Variants in NDUFS4 observed in about 807,000 individuals in gnomAD.
NDUFS4 encodes the protein NADH:ubiquinone oxidoreductase subunit S4, also known as NADH dehydrogenase [ubiquinone] iron-sulfur protein 4, mitochondrial.
A neutral mutation model predicts 24.3 loss-of-function variants in NDUFS4; 28 were observed. The observed-to-expected ratio is 1.15, with a 90% CI of 0.85 to 1.58. NDUFS4 has a LOEUF of 1.58. NDUFS4 is among the 40% of genes most tolerant of loss of function. The pLI, the probability that NDUFS4 is intolerant of heterozygous loss-of-function variation, is 0.00. For missense variants in NDUFS4, 223 were observed against 207.9 expected (o/e 1.07, Z -0.45); for synonymous variants, 93 against 69.7 (o/e 1.34, Z -1.67).
At chr5:53,677,559 TAA>T (rs1370593416) in intron 4 of NDUFS4, among the ~76,000 whole-genome samples, 1 of 152,156 alleles carries the variant, frequency 6.6e-6, no homozygotes, top group Admixed American at 6.6e-5. Flanking sequence ...AATTTCAAAG[TAA>T]AGAGACTTTT....
rs570886262 is a variant in NDUFS4, at chr5:53,634,145, T to G, written c.178-12088T>G. ...AGTTCTTAACAACAGAAAGGAAACTTCTGTTGCATAGTTTTTTATTCTTAT... is the reference window on the plus strand; with the variant it reads ...AGTTCTTAACAACAGAAAGGAAACTGCTGTTGCATAGTTTTTTATTCTTAT... On this transcript the variant is annotated intron_variant, in intron 2 of 4. Transcript: ENST00000296684. Among the ~76,000 whole-genome samples the G allele has an allele frequency of 2.6e-5, 4 of 152,286 alleles. No individual in the cohort carries two copies. The South Asian group carries it at 8.3e-4, about 32-fold the overall frequency.
intron 4 of NDUFS4, among the ~76,000 whole-genome samples, chr5:53,662,023 C>G (rs1489914479): frequency 2.0e-5 from 3 of 152,250 alleles, no homozygotes; most frequent in Admixed American, 2.0e-4. Context: ...GCCAGAACTT[C>G]CAACACTATG....
At chr5:53,604,805 A>G (rs1295674294) in intron 2 of NDUFS4, 4 of 456,142 alleles carry the variant, frequency 8.8e-6, no homozygotes, top group African/African-American at 6.0e-5. Context: ...TCCTGCTTCA[A>G]GGCATTTGGA....
intron 2 of NDUFS4, among the ~76,000 whole-genome samples, chr5:53,612,651 T>C (rs1049585959): frequency 1.5e-4 from 23 of 152,108 alleles, no homozygotes; most frequent in Admixed American, 5.2e-4. Context: ...CAAATAGCAA[T>C]TAAACAGCAC....
At chr5:53,587,721 G>T (rs2112437431) in intron 1 of NDUFS4, among the ~76,000 whole-genome samples, 1 of 152,136 alleles carries the variant, frequency 6.6e-6, no homozygotes, top group Non-Finnish European at 1.5e-5. Flanking sequence ...GGAACCACAG[G>T]CATGTGCCAC....
intron 3 of NDUFS4, among the ~76,000 whole-genome samples, chr5:53,658,213 G>A (rs1752219553): frequency 6.6e-6 from 1 of 152,142 alleles, no homozygotes; most frequent in African/African-American, 2.4e-5. Flanking sequence ...TTACACATCA[G>A]TAATCTTGAT....
intron 2 of NDUFS4, among the ~76,000 whole-genome samples, chr5:53,621,898 C>T (rs1751048982): frequency 1.3e-5 from 2 of 151,732 alleles, no homozygotes; most frequent in African/African-American, 4.8e-5. Context: ...GACGGGGTTT[C>T]ACCGTGTTAG....
intron 1 of NDUFS4, among the ~76,000 whole-genome samples, chr5:53,579,748 T>G (rs2084633168): frequency 6.6e-6 from 1 of 152,172 alleles, no homozygotes; most frequent in Non-Finnish European, 1.5e-5. Flanking sequence ...GCTTTGCAGA[T>G]GTGATAAAGT....
chr5:53,668,470 G>A (rs113095828), intron 4 of NDUFS4, among the ~76,000 whole-genome samples: 105 of 151,680 alleles, frequency 6.9e-4, no homozygotes, highest in African/African-American at 2.2e-3. Flanking sequence ...GGAGGGGTTC[G>A]GGGCTGGAGA....
intron 1 of NDUFS4, among the ~76,000 whole-genome samples, chr5:53,565,403 C>T (rs1285542887): frequency 1.3e-5 from 2 of 152,106 alleles, no homozygotes; most frequent in East Asian, 3.8e-4. Flanking sequence ...GCAGTGAGGT[C>T]GCAAGCTTTT....
chr5:53,644,119 A>C (rs1751781055), intron 2 of NDUFS4, among the ~76,000 whole-genome samples: 1 of 152,164 alleles, frequency 6.6e-6, no homozygotes, highest in African/African-American at 2.4e-5. Context: ...AAACTTGAAA[A>C]AGTTTAAAAT....
intron 4 of NDUFS4, among the ~76,000 whole-genome samples, chr5:53,677,303 A>G (rs1740506163): frequency 2.6e-5 from 4 of 152,172 alleles, no homozygotes; most frequent in Non-Finnish European, 2.9e-5. Context: ...AGAGGTGGCA[A>G]TACTCTACAG....
chr5:53,605,029 G>GACCA (rs2112459069), intron 2 of NDUFS4: 1 of 371,576 alleles, frequency 2.7e-6, no homozygotes. Context: ...TGACCAGCTT[G>GACCA]ACCAACATGG....
chr5:53,607,479 A>G (rs1750558699), intron 2 of NDUFS4, among the ~76,000 whole-genome samples: 1 of 151,858 alleles, frequency 6.6e-6, no homozygotes, highest in Admixed American at 6.6e-5. Context: ...GAAATTCTGT[A>G]AAAAAAAGAA....
At chr5:53,626,364 T>C (rs1255409208) in intron 2 of NDUFS4, among the ~76,000 whole-genome samples, 1 of 152,212 alleles carries the variant, frequency 6.6e-6, no homozygotes, top group Non-Finnish European at 1.5e-5. Context: ...TGTGTCTTTA[T>C]AGTAGAATGA....
intron 2 of NDUFS4, among the ~76,000 whole-genome samples, chr5:53,633,421 C>T (rs549059811): frequency 1.3e-5 from 2 of 152,228 alleles, no homozygotes; most frequent in African/African-American, 4.8e-5. Flanking sequence ...AGTTGCCTTA[C>T]CTATACATTG....
At chr5:53,652,998 T>C (rs1752061348) in intron 3 of NDUFS4, among the ~76,000 whole-genome samples, 1 of 152,144 alleles carries the variant, frequency 6.6e-6, no homozygotes, top group African/African-American at 2.4e-5. Context: ...TTCATTTATT[T>C]CTGTAAGCAG....
At chr5:53,603,423 C>G in intron 1 of NDUFS4, 29 bp from the exon 2 acceptor site, 1 of 1,574,362 alleles carries the variant, frequency 6.4e-7, no homozygotes, top group East Asian at 2.3e-5. Context: ...TGCCTGGATC[C>G]TTTTTTAACT....
chr5:53,618,458 A>G (rs905293667), intron 2 of NDUFS4, among the ~76,000 whole-genome samples: 9 of 152,168 alleles, frequency 5.9e-5, no homozygotes, highest in African/African-American at 1.7e-4. Flanking sequence ...CAGTGCAGGT[A>G]CTAAGTTCTA....
Sources: allele counts gnomAD v4.1 joint callset (sites outside exome capture counted in the v4.1 genomes callset), GRCh38; gene constraint gnomAD v4.1.1; transcripts MANE v1.5; gene names NCBI Gene and HGNC (gene_info 2026-07-23, HGNC 2026-07-21).